CEBPZ: variants seen among roughly 807,000 people sequenced by gnomAD.
The protein encoded by CEBPZ is CCAAT enhancer binding protein zeta, also known as CCAAT/enhancer-binding protein zeta.
Under a neutral mutation model 104.5 loss-of-function variants are expected in CEBPZ, and 78 were observed. That is an observed-to-expected ratio of 0.75 (90% CI 0.62 to 0.90). The LOEUF (loss-of-function observed/expected upper bound fraction) is 0.90. CEBPZ is among the 40% of genes least tolerant of loss of function. The pLI is 0.00. For synonymous variants in CEBPZ, 470 were observed against 427.0 expected (o/e 1.10, Z -1.24); for missense variants, 1,439 against 1,233.5 (o/e 1.17, Z -2.50).
Position 37,231,424 on chromosome 2 carries a change from G to A in CEBPZ, c.144C>T (p.Leu48=), listed in dbSNP as rs201134173. 1.2e-5 allele frequency: 20 copies of A among 1,614,072 alleles called. No individual in the cohort carries two copies. Among genetic ancestry groups the A allele is most frequent in the Admixed American group, 1.7e-5 (1 of 60,028 alleles). Residue 48 remains leucine (L), a synonymous_variant, in exon 1 of 16, where the codon CTC becomes CTT. Transcript: ENST00000234170. The part of the protein sequence containing the change: ...NGFSLEEVLR[L]GGTKQDYLML... ...CCGCGGCCGTTACCTTGGTGCCTCCGAGCCGTAACACTTCCTCCAGGGAGA... is the reference window on the plus strand; with the variant it reads ...CCGCGGCCGTTACCTTGGTGCCTCCAAGCCGTAACACTTCCTCCAGGGAGA...
chr2:37,204,184 C>T (rs1677430370), intron 13 of CEBPZ: 1 of 151,808 alleles, frequency 6.6e-6, no homozygotes, highest in Non-Finnish European at 1.5e-5. Flanking sequence ...GTAGGCACTT[C>T]TGTACTGTAC....
chr2:37,230,448 C>T (rs528809730), intron 1 of CEBPZ, among the ~76,000 whole-genome samples: 2 of 152,146 alleles, frequency 1.3e-5, no homozygotes, highest in Non-Finnish European at 2.9e-5. Context: ...TTAAAGTTTG[C>T]ACCACGTGTT....
Position 37,217,208 on chromosome 2 carries a change from G to A in CEBPZ, c.2155-171C>T, listed in dbSNP as rs145545364. 4.3e-4 allele frequency among the ~76,000 whole-genome samples: 65 copies of A among 152,092 alleles called. 1 individual carries two copies. The highest frequency in any genetic ancestry group is 2.7e-3 in the East Asian group (14 of 5,144). On this transcript the variant is annotated intron_variant, in intron 5 of 15. Transcript: ENST00000234170. ...AGCCCAGAAGTTGAGACTGGCCTGG[G>A]CAATATGGCGAAACCCCATGTCTAC...
chr2:37,202,044 TTTG>T (rs1677271811), intron 15 of CEBPZ, 141 bp from the exon 16 acceptor site: 1 of 540,604 alleles, frequency 1.8e-6, no homozygotes. Context: ...CCACTGCTTG[TTTG>T]TTGCTTTTCT....
intron 13 of CEBPZ, chr2:37,209,085 A>C (rs1358156306): frequency 6.6e-6 from 1 of 151,996 alleles, no homozygotes; most frequent in Non-Finnish European, 1.5e-5. Context: ...GAATACACCT[A>C]ATCAAGGAGG....
At chr2:37,222,701 G>A in intron 3 of CEBPZ, 138 bp from the exon 4 acceptor site, 2 of 564,388 alleles carry the variant, frequency 3.5e-6, no homozygotes, top group Non-Finnish European at 3.0e-6. Context: ...TAAAATGATG[G>A]CTATCAATGG....
At chr2:37,202,726 T>C in intron 15 of CEBPZ, 58 bp downstream of exon 15, 2 of 841,616 alleles carry the variant, frequency 2.4e-6, no homozygotes, top group Non-Finnish European at 3.6e-6. Flanking sequence ...TCCTATCTTC[T>C]GAAGTTCCAA....
In CEBPZ at chr2:37,222,445, G is replaced by A; in HGVS notation, c.2000C>T (p.Pro667Leu). 1.9e-6 allele frequency: 3 copies of A among 1,608,848 alleles called. No homozygotes were observed. The highest frequency in any genetic ancestry group is 1.1e-5 in the South Asian group (1 of 89,344). The change falls in exon 4 of 16, where the codon CCT becomes CTT. Residue 667 changes from proline (P) to leucine (L), a missense_variant. Physicochemically the swap from Pro to Leu is moderately conservative, Grantham distance 98. Coordinates refer to ENST00000234170, the MANE Select transcript of CEBPZ (RefSeq NM_005760.3). ...TTTTTTGGTTTCTACATCAGTTTCA[G>A]GAACTGTTTCCTCTGTCTCAAGTTT... ...VKKLETEETVPETDVETKKPE... is the reference protein window; with the variant it reads ...VKKLETEETVLETDVETKKPE...
intron 6 of CEBPZ, 37 bp downstream of exon 6, chr2:37,216,947 T>C: frequency 6.6e-7 from 1 of 1,522,180 alleles, no homozygotes; most frequent in Non-Finnish European, 9.1e-7. Flanking sequence ...GATACTTTTT[T>C]TCTTATTTCT....
chr2:37,216,894 G>T, intron 6 of CEBPZ, 90 bp downstream of exon 6: 1 of 1,053,710 alleles, frequency 9.5e-7, no homozygotes, highest in Non-Finnish European at 1.4e-6. Flanking sequence ...GATTCTCTCT[G>T]TTAGAGAAAA....
chr2:37,212,663 A>G (rs1677760637), intron 10 of CEBPZ: 1 of 463,954 alleles, frequency 2.2e-6, no homozygotes, highest in Middle Eastern at 6.1e-4. Context: ...AATATCAAAT[A>G]AAATGATATT....
intron 10 of CEBPZ, among the ~76,000 whole-genome samples, chr2:37,213,028 CAGAG>C (rs369775279): frequency 3.3e-5 from 5 of 151,952 alleles, no homozygotes; most frequent in African/African-American, 7.3e-5. Flanking sequence ...GCCTGGGAGA[CAGAG>C]AGAGCCTGTC....
Position 37,227,994 on chromosome 2 carries a change from G to C in CEBPZ, c.1199C>G (p.Thr400Arg). 1 of 1,614,180 alleles carries C rather than the reference G, an allele frequency of 6.2e-7. No homozygotes were observed. The highest frequency in any genetic ancestry group is 8.5e-7 in the Non-Finnish European group (1 of 1,180,008). ...KLGDPQNRIA[T>R]KASHLLETLL... ...TGTCTCTAACAGATGGGATGCTTTTGTGGCAATTCTGTTCTGAGGATCTCC... is the reference window on the plus strand; with the variant it reads ...TGTCTCTAACAGATGGGATGCTTTTCTGGCAATTCTGTTCTGAGGATCTCC... The change falls in exon 2 of 16, where the codon ACA (threonine) becomes AGA (arginine). Residue 400 changes from threonine to arginine, a missense_variant. Transcript: ENST00000234170.
intron 13 of CEBPZ, among the ~76,000 whole-genome samples, chr2:37,206,117 AAAAC>A (rs925790084): frequency 4.6e-5 from 7 of 152,224 alleles, no homozygotes; most frequent in African/African-American, 1.7e-4. Flanking sequence ...TGGAGAGAAC[AAAAC>A]AAAGAGGCAA....
intron 4 of CEBPZ, among the ~76,000 whole-genome samples, chr2:37,222,101 T>C (rs1042984193): frequency 2.0e-5 from 3 of 152,170 alleles, no homozygotes; most frequent in South Asian, 2.1e-4. Context: ...CTGGCGAACA[T>C]GGTGAAACTC....
At chr2:37,231,175 G>A (rs1665078257) in intron 1 of CEBPZ, 4 of 690,284 alleles carry the variant, frequency 5.8e-6, no homozygotes, top group Non-Finnish European at 1.1e-5. Flanking sequence ...AATAAAATCA[G>A]AAGATCGCCT....
intron 5 of CEBPZ, among the ~76,000 whole-genome samples, chr2:37,217,909 AAAAACAAAAAAC>A (rs1485732537): frequency 1.4e-5 from 2 of 138,126 alleles, no homozygotes; most frequent in East Asian, 3.9e-4. Flanking sequence ...CTCAAAAAAA[AAAAACAAAAAAC>A]AAAAACAAAA....
intron 13 of CEBPZ, among the ~76,000 whole-genome samples, chr2:37,206,151 TGAG>T (rs1677532229): frequency 6.6e-6 from 1 of 152,160 alleles, no homozygotes; most frequent in South Asian, 2.1e-4. Context: ...TCTGCTGTGC[TGAG>T]GAGGAAAATG....
intron 15 of CEBPZ, 61 bp downstream of exon 15, chr2:37,202,723 T>C: frequency 1.3e-6 from 1 of 792,918 alleles, no homozygotes; most frequent in South Asian, 1.8e-5. Flanking sequence ...ATTTCCTATC[T>C]TCTGAAGTTC....
Sources: gnomAD v4.1 joint callset for allele counts (sites outside exome capture counted in the v4.1 genomes callset) on GRCh38, gnomAD v4.1.1 for gene constraint, MANE v1.5 for transcripts, NCBI Gene and HGNC (gene_info 2026-07-23, HGNC 2026-07-21) for gene names.